Variants in TTC28 observed in about 807,000 individuals in gnomAD.
TTC28 encodes the protein tetratricopeptide repeat domain 28.
TTC28 carries 61 observed loss-of-function variants against 198.0 expected under a neutral mutation model. The observed-to-expected ratio is 0.31, with a 90% confidence interval of 0.25 to 0.38. The LOEUF (loss-of-function observed/expected upper bound fraction) is 0.38. Ranked by LOEUF, TTC28 falls within the 10% of genes least tolerant of loss-of-function variation. TTC28 has a pLI of 1.00. For missense variants in TTC28, 2,678 were observed against 3,164.0 expected (o/e 0.85, Z 3.69); for synonymous variants, 1,171 against 1,297.8 (o/e 0.90, Z 2.10).
intron 4 of TTC28, among the ~76,000 whole-genome samples, chr22:28,297,270 A>G (rs935960306): frequency 6.6e-6 from 1 of 151,874 alleles, no homozygotes; most frequent in African/African-American, 2.4e-5. Context: ...GGAGTGCAGT[A>G]GCATCATCAT....
chr22:28,333,162 T>G (rs1404907225), intron 2 of TTC28, among the ~76,000 whole-genome samples: 1 of 152,126 alleles, frequency 6.6e-6, no homozygotes, highest in Non-Finnish European at 1.5e-5. Context: ...TTAGTCTATT[T>G]CAAAATCATT....
At chr22:28,481,272 A>G (rs2048243252) in intron 2 of TTC28, among the ~76,000 whole-genome samples, 1 of 152,236 alleles carries the variant, frequency 6.6e-6, no homozygotes, top group Non-Finnish European at 1.5e-5. Context: ...ACAGAAAAGC[A>G]GTTACAATCT....
intron 2 of TTC28, among the ~76,000 whole-genome samples, chr22:28,606,172 C>T (rs2050730330): frequency 6.6e-6 from 1 of 151,946 alleles, no homozygotes; most frequent in Admixed American, 6.6e-5. Flanking sequence ...CAACCTCCAC[C>T]TCCTGGGTTC....
At chr22:28,137,289 G>C (rs1943221291) in intron 6 of TTC28, among the ~76,000 whole-genome samples, 1 of 152,148 alleles carries the variant, frequency 6.6e-6, no homozygotes, top group Admixed American at 6.5e-5. Context: ...AAATGTTCTA[G>C]GGAGTTGTCT....
chr22:28,532,134 G>T (rs1403527797), intron 2 of TTC28, among the ~76,000 whole-genome samples: 1 of 151,978 alleles, frequency 6.6e-6, no homozygotes, highest in South Asian at 2.1e-4. Context: ...TTTCTGAAAA[G>T]ATCAACAAAA....
chr22:28,101,786 A>T (rs1942162143), intron 8 of TTC28, among the ~76,000 whole-genome samples: 2 of 117,008 alleles, frequency 1.7e-5, no homozygotes, highest in African/African-American at 5.9e-5. Context: ...CTCTGTTAAA[A>T]AAAAAAAAAA....
intron 2 of TTC28, among the ~76,000 whole-genome samples, chr22:28,456,190 A>G (rs1297779104): frequency 6.6e-6 from 1 of 151,662 alleles, no homozygotes; most frequent in African/African-American, 2.4e-5. Context: ...TGGTATTTCT[A>G]GATTTGGATT....
intron 2 of TTC28, among the ~76,000 whole-genome samples, chr22:28,409,926 G>C (rs1347286985): frequency 9.4e-5 from 1 of 10,588 alleles, no homozygotes; most frequent in Non-Finnish European, 1.6e-4. Flanking sequence ...AAAGTGCTAA[G>C]TGTTTTTTTT....
chr22:27,989,791 A>G (rs1312340988), intron 21 of TTC28, 87 bp downstream of exon 21: 2 of 1,472,062 alleles, frequency 1.4e-6, no homozygotes, highest in African/African-American at 1.4e-5. Flanking sequence ...ACACTGAGAT[A>G]CTTTGCCCAA....
At chr22:28,576,680 C>A (rs751558941) in intron 2 of TTC28, among the ~76,000 whole-genome samples, 1 of 152,006 alleles carries the variant, frequency 6.6e-6, no homozygotes, top group Non-Finnish European at 1.5e-5. Flanking sequence ...TTGGTCTGTT[C>A]AGGTTTTCAA....
intron 2 of TTC28, among the ~76,000 whole-genome samples, chr22:28,528,249 T>C (rs2049048641): frequency 6.6e-6 from 1 of 152,186 alleles, no homozygotes; most frequent in Non-Finnish European, 1.5e-5. Context: ...AACACTCTTA[T>C]GGAGTTTATA....
intron 6 of TTC28, among the ~76,000 whole-genome samples, chr22:28,132,434 C>T (rs531970978): frequency 2.2e-4 from 34 of 152,280 alleles, no homozygotes; most frequent in Middle Eastern, 3.4e-3. Flanking sequence ...AGGAGAAATG[C>T]GTTCTCTTCT....
intron 12 of TTC28, among the ~76,000 whole-genome samples, chr22:28,073,769 T>C (rs1294603253): frequency 2.0e-5 from 3 of 152,208 alleles, no homozygotes; most frequent in Non-Finnish European, 4.4e-5. Flanking sequence ...ATGTGTCTCT[T>C]TATTTTGCTT....
In TTC28 at chr22:28,615,783, G is replaced by A. The variant is rs951102990; in HGVS notation, c.381+13769C>T. Among the ~76,000 whole-genome samples, 9 of 149,542 alleles carry A rather than the reference G, an allele frequency of 6.0e-5. No homozygotes were observed. The South Asian group carries it at 6.6e-4, about 11-fold the overall frequency. On this transcript the variant is annotated intron_variant, in intron 2 of 22. Coordinates refer to ENST00000397906, the MANE Select transcript of TTC28 (RefSeq NM_001145418.2). ...CACAGGGAGGGAAACATCACACATC[G>A]GGGCCTGTAGGGGGGTGGGGGGCTA...
intron 12 of TTC28, among the ~76,000 whole-genome samples, chr22:28,058,651 TTCC>T (rs1356758780): frequency 6.6e-6 from 1 of 152,134 alleles, no homozygotes; most frequent in Non-Finnish European, 1.5e-5. Flanking sequence ...GTGGAAGTGG[TTCC>T]TCCTCTTCTA....
At chr22:28,004,318 G>GAGGC (rs1937843042) in intron 14 of TTC28, among the ~76,000 whole-genome samples, 1 of 152,232 alleles carries the variant, frequency 6.6e-6, no homozygotes, top group Non-Finnish European at 1.5e-5. Flanking sequence ...AAAGCATTGA[G>GAGGC]AGGCAGCCTG....
At chr22:28,232,151 C>T (rs1298398195) in intron 5 of TTC28, among the ~76,000 whole-genome samples, 1 of 152,164 alleles carries the variant, frequency 6.6e-6, no homozygotes, top group Non-Finnish European at 1.5e-5. Context: ...TCATGAAGTA[C>T]CACAGGATTT....
At chr22:28,061,857 A>T (rs1940555288) in intron 12 of TTC28, among the ~76,000 whole-genome samples, 1 of 152,138 alleles carries the variant, frequency 6.6e-6, no homozygotes, top group Non-Finnish European at 1.5e-5. Context: ...TGAGCATGGA[A>T]TATTCTTCCA....
Position 28,350,723 on chromosome 22 carries a change from C to G in TTC28, c.382-44080G>C, listed in dbSNP as rs2045980480. Among the ~76,000 whole-genome samples, 4 of 152,130 alleles carry G rather than the reference C, an allele frequency of 2.6e-5. No individual in the cohort carries two copies. The South Asian group carries it at 8.3e-4, about 32-fold the overall frequency. On this transcript the variant is annotated intron_variant, in intron 2 of 22. Coordinates refer to ENST00000397906, the MANE Select transcript of TTC28 (RefSeq NM_001145418.2). ...ACAATGCAATCAGAAACAAAGAGGG[C>G]AGGAGTTAACACACAAAAGTAGAAA...
Sources: gnomAD v4.1 joint callset for allele counts (sites outside exome capture counted in the v4.1 genomes callset) on GRCh38, gnomAD v4.1.1 for gene constraint, MANE v1.5 for transcripts, NCBI Gene and HGNC (gene_info 2026-07-23, HGNC 2026-07-21) for gene names.